Variants in EGR1 observed in about 807,000 individuals in gnomAD.
EGR1 encodes early growth response 1.
EGR1 carries 8 observed loss-of-function variants against 30.2 expected under a neutral mutation model. The ratio of observed to expected loss-of-function variants is 0.26; its 90% CI spans 0.16 to 0.48. The LOEUF is 0.48. Among genes scored for constraint, EGR1 ranks in the 20% least tolerant of loss-of-function variants. The pLI is 0.99. For missense variants in EGR1, 568 were observed against 732.3 expected (o/e 0.78, Z 2.59); for synonymous variants, 334 against 312.8 (o/e 1.07, Z -0.72).
rs1417013918 is a variant in EGR1, at chr5:138,467,235, G to A, written c.786G>A (p.Gly262=). 5.0e-6 allele frequency: 8 copies of A among 1,613,488 alleles called. No individual in the cohort carries two copies. Among genetic ancestry groups the A allele is most frequent in the Non-Finnish European group, 6.8e-6 (8 of 1,180,034 alleles). ...ACTACCTGTTTCCACAGCAGCAGGG[G>A]GATCTGGGCCTGGGCACCCCAGACC... is the stretch of plus-strand genomic sequence containing the variant. ...IPDYLFPQQQ[G]DLGLGTPDQK... Residue 262 remains glycine, a synonymous_variant, in exon 2 of 2, where the codon GGG becomes GGA. Coordinates refer to ENST00000239938, the MANE Select transcript of EGR1 (RefSeq NM_001964.3). The surrounding 1 kb of genome is among the most constrained non-coding windows in gnomAD (Gnocchi z 8.3).
At position 138,467,685 on chromosome 5, in the gene EGR1, G is replaced by A. The variant is rs1321068165; in HGVS notation, c.1236G>A (p.Lys412=). 7 of 1,614,124 alleles carry A rather than the reference G, an allele frequency of 4.3e-6. No individual in the cohort carries two copies. The highest frequency in any genetic ancestry group is 5.9e-6 in the Non-Finnish European group (7 of 1,180,060). Residue 412 remains lysine, a synonymous_variant, in exon 2 of 2, where the codon AAG becomes AAA. Transcript: ENST00000239938. This position sits in a 1 kb window ranked among gnomAD's most constrained non-coding sequence, Gnocchi z 8.3. ...GRKFARSDER[K]RHTKIHLRQK... Reference sequence around the variant, plus strand: ...AGTTTGCCAGGAGCGATGAACGCAAGAGGCATACCAAGATCCACTTGCGGC... The same window carrying A: ...AGTTTGCCAGGAGCGATGAACGCAAAAGGCATACCAAGATCCACTTGCGGC...
intron 1 of EGR1, 95 bp from the exon 2 acceptor site, chr5:138,466,662 C>G (rs1320883826): frequency 7.0e-7 from 1 of 1,424,998 alleles, no homozygotes; most frequent in African/African-American, 1.4e-5. Context: ...TCAATGGTAG[C>G]CGGCCCGGTC....
rs1220031641 is a variant in EGR1 at position 138,465,758 on chromosome 5, C to A, written c.-4C>A. The A allele has an allele frequency of 6.3e-7, 1 of 1,593,098 alleles. No individual in the cohort carries two copies. The highest frequency in any genetic ancestry group is 1.7e-5 in the Admixed American group (1 of 58,500). On this transcript the variant is annotated 5_prime_UTR_variant, in exon 1 of 2. Transcript: ENST00000239938. ...ACACCAGCTCTCCAGCCTGCTCGTC[C>A]AGGATGGCCGCGGCCAAGGCCGAGA...
chr5:138,468,044 C>G lies in EGR1; in HGVS notation c.1595C>G (p.Thr532Arg). 1 of 1,590,082 alleles carries G rather than the reference C, an allele frequency of 6.3e-7. No homozygotes were observed. Among genetic ancestry groups the G allele is most frequent in the African/African-American group, 1.4e-5 (1 of 73,994 alleles). ...FSASTGLSDM[T>R]ATFSPRTIEI... ...GCCTCCACAGGGCTTTCGGACATGA[C>G]AGCAACCTTTTCTCCCAGGACAATT... Residue 532 changes from threonine to arginine, a missense_variant, in exon 2 of 2, where the codon ACA becomes AGA. Physicochemically the swap from Thr to Arg is moderately conservative, Grantham distance 71. Transcript: ENST00000239938.
At position 138,465,659 on chromosome 5, in the gene EGR1, C is replaced by G. The variant is rs1373508820; in HGVS notation, c.-103C>G. ...ACGCTTCTCAGTGTTCCCCGCGCCC[C>G]GCATGTAACCCGGCCAGGCCCCCGC... On this transcript the variant is annotated 5_prime_UTR_variant, in exon 1 of 2. Coordinates refer to ENST00000239938, the MANE Select transcript of EGR1 (RefSeq NM_001964.3). 3 of 1,319,920 alleles carry G rather than the reference C, an allele frequency of 2.3e-6. No homozygotes were observed. Among genetic ancestry groups the G allele is most frequent in the Non-Finnish European group, 3.0e-6 (3 of 1,007,164 alleles). 81.8% of individuals were successfully genotyped at this position (1,319,920 alleles called of 1,614,324 possible).
rs890186687 is a variant in EGR1 at position 138,467,601 on chromosome 5, C to T, written c.1152C>T (p.Thr384=). 4 of 1,613,912 alleles carry T rather than the reference C, an allele frequency of 2.5e-6. No individual in the cohort carries two copies. The highest frequency in any genetic ancestry group is 3.4e-6 in the Non-Finnish European group (4 of 1,180,038). ...MRNFSRSDHL[T]THIRTHTGEK... ...ACTTCAGCCGCAGCGACCACCTCAC[C>T]ACCCACATCCGCACCCACACAGGCG... The change falls in exon 2 of 2, where the codon ACC becomes ACT. Residue 384 remains threonine (T), a synonymous_variant. Coordinates refer to ENST00000239938, the MANE Select transcript of EGR1 (RefSeq NM_001964.3). This position sits in a 1 kb window ranked among gnomAD's most constrained non-coding sequence, Gnocchi z 8.3.
Position 138,467,720 on chromosome 5 carries a change from A to G in EGR1, c.1271A>G (p.Lys424Arg), listed in dbSNP as rs779644730. ...HTKIHLRQKD[K>R]KADKSVVASS... ...AAGATCCACTTGCGGCAGAAGGACA[A>G]GAAAGCAGACAAAAGTGTTGTGGCC... is the stretch of plus-strand genomic sequence containing the variant. Residue 424 changes from lysine (K) to arginine (R), a missense_variant, in exon 2 of 2, where the codon AAG becomes AGG. Coordinates refer to ENST00000239938, the MANE Select transcript of EGR1 (RefSeq NM_001964.3). This position sits in a 1 kb window ranked among gnomAD's most constrained non-coding sequence, Gnocchi z 8.3. 1 of 1,614,216 alleles carries G rather than the reference A, an allele frequency of 6.2e-7. No homozygotes were observed. Among genetic ancestry groups the G allele is most frequent in the Non-Finnish European group, 8.5e-7 (1 of 1,180,036 alleles).
At position 138,467,898 on chromosome 5, in the gene EGR1, A is replaced by T; in HGVS notation, c.1449A>T (p.Pro483=). 1 of 1,612,864 alleles carries T rather than the reference A, an allele frequency of 6.2e-7. No homozygotes were observed. Among genetic ancestry groups the T allele is most frequent in the South Asian group, 1.1e-5 (1 of 91,002 alleles). The change falls in exon 2 of 2, where the codon CCA becomes CCT. Residue 483 remains proline (P), a synonymous_variant. Transcript: ENST00000239938. The surrounding 1 kb of genome is among the most constrained non-coding windows in gnomAD (Gnocchi z 8.3). ...SFSSPGSSTY[P]SPVHSGFPSP... ...CCTCTCCCGGCTCCTCGACCTACCC[A>T]TCCCCTGTGCACAGTGGCTTCCCCT...
chr5:138,466,513 G>A (rs541580925), intron 1 of EGR1, among the ~76,000 whole-genome samples: 44 of 152,380 alleles, frequency 2.9e-4, no homozygotes, highest in African/African-American at 1.1e-3. Context: ...CCGCACAGCC[G>A]CCGCTGCGGA....
chr5:138,468,304 G>C lies in EGR1; in HGVS notation c.*223G>C, dbSNP rs2294175. ...CTATTCCCTTTGACTTCAGCTGCCT[G>C]AAACAGCCATGTCCAAGTTCTTCAC... On this transcript the variant is annotated 3_prime_UTR_variant, in exon 2 of 2. Coordinates refer to ENST00000239938, the MANE Select transcript of EGR1 (RefSeq NM_001964.3). The C allele has an allele frequency of 1.1e-4, 104 of 969,168 alleles. 1 individual carries two copies. The East Asian group carries it at 2.2e-3, about 21-fold the overall frequency. 60.0% of individuals were successfully genotyped at this position (969,168 alleles called of 1,614,324 possible).
intron 1 of EGR1, 89 bp downstream of exon 1, chr5:138,466,157 AT>A (rs2127036776): frequency 6.9e-7 from 1 of 1,441,488 alleles, no homozygotes; most frequent in South Asian, 1.5e-5. Flanking sequence ...GGATCTTAGA[AT>A]GAGAGCCGGG....
In EGR1 at chr5:138,468,114, A is replaced by G. The variant is rs766990363; in HGVS notation, c.*33A>G. On this transcript the variant is annotated 3_prime_UTR_variant, in exon 2 of 2. Coordinates refer to ENST00000239938, the MANE Select transcript of EGR1 (RefSeq NM_001964.3). ...GGGGAAAGAAAGGGAAAAGGGAGAA[A>G]AAGAAACACAAGAGACTTAAAGGAC... The G allele has an allele frequency of 3.2e-6, 5 of 1,539,948 alleles. No homozygotes were observed. The East Asian group carries it at 6.8e-5, about 21-fold the overall frequency.
chr5:138,465,697 T>G lies in EGR1; in HGVS notation c.-65T>G. On this transcript the variant is annotated 5_prime_UTR_variant, in exon 1 of 2. Coordinates refer to ENST00000239938, the MANE Select transcript of EGR1 (RefSeq NM_001964.3). Reference sequence around the variant, plus strand: ...GCCAGGCCCCCGCAACTGTGTCCCCTGCAGCTCCAGCCCCGGGCTGCACCC... The same window carrying G: ...GCCAGGCCCCCGCAACTGTGTCCCCGGCAGCTCCAGCCCCGGGCTGCACCC... The G allele has an allele frequency of 2.1e-4, 228 of 1,104,594 alleles. No homozygotes were observed. Among genetic ancestry groups the G allele is most frequent in the Non-Finnish European group, 2.8e-4 (215 of 776,830 alleles). 68.4% of individuals were successfully genotyped at this position (1,104,594 alleles called of 1,614,324 possible). A position where few individuals can be genotyped will look rare whatever the true frequency, so the allele number is the denominator to read the frequency against.
Position 138,467,930 on chromosome 5 carries a change from C to T in EGR1, c.1481C>T (p.Ser494Leu). ...SPVHSGFPSP[S>L]VATTYSSVPP... The stretch of plus-strand genomic sequence containing the variant: ...GTGCACAGTGGCTTCCCCTCCCCGT[C>T]GGTGGCCACCACGTACTCCTCTGTT... The change falls in exon 2 of 2, where the codon TCG becomes TTG. Residue 494 changes from serine (S) to leucine (L), a missense_variant. Transcript: ENST00000239938. This position sits in a 1 kb window ranked among gnomAD's most constrained non-coding sequence, Gnocchi z 8.3. The T allele has an allele frequency of 6.2e-7, 1 of 1,613,574 alleles. No homozygotes were observed.
intron 1 of EGR1, among the ~76,000 whole-genome samples, chr5:138,466,533 G>A (rs1764160489): frequency 6.6e-6 from 1 of 152,278 alleles, no homozygotes; most frequent in African/African-American, 2.4e-5. Flanking sequence ...AGCGCTGCGA[G>A]CTGCAGTGGA....
Position 138,467,493 on chromosome 5 carries a change from C to G in EGR1, c.1044C>G (p.Arg348=). 1 of 1,612,776 alleles carries G rather than the reference C, an allele frequency of 6.2e-7. No individual in the cohort carries two copies. Among genetic ancestry groups the G allele is most frequent in the Non-Finnish European group, 8.5e-7 (1 of 1,179,988 alleles). The stretch of plus-strand genomic sequence containing the variant: ...GCCCAGTGGAGTCCTGTGATCGCCG[C>G]TTCTCCCGCTCCGACGAGCTCACCC... ...YACPVESCDR[R]FSRSDELTRH... Residue 348 remains arginine (R), a synonymous_variant, in exon 2 of 2, where the codon CGC becomes CGG. Transcript: ENST00000239938. This position sits in a 1 kb window ranked among gnomAD's most constrained non-coding sequence, Gnocchi z 8.3.
Position 138,468,186 on chromosome 5 carries a change from A to G in EGR1, c.*105A>G. On this transcript the variant is annotated 3_prime_UTR_variant, in exon 2 of 2. Transcript: ENST00000239938. ...GAGAGGAGGGTTCCTCTTAGGTCAG[A>G]TGGAGGTTCTCAGAGCCAAGTCCTC... 1 of 1,521,660 alleles carries G rather than the reference A, an allele frequency of 6.6e-7. No individual in the cohort carries two copies. Among genetic ancestry groups the G allele is most frequent in the Non-Finnish European group, 8.8e-7 (1 of 1,134,448 alleles). The allele number at this position is 1,521,660 out of a possible 1,614,324, so 94.3% of individuals were successfully genotyped here.
At chr5:138,466,104 G>A (rs377592944) in intron 1 of EGR1, 36 bp downstream of exon 1, 2 of 1,514,796 alleles carry the variant, frequency 1.3e-6, no homozygotes, top group African/African-American at 1.4e-5. Context: ...GAACCCTTTC[G>A]CCACCATCCT....
intron 1 of EGR1, 37 bp downstream of exon 1, chr5:138,466,105 C>A: frequency 6.6e-7 from 1 of 1,513,688 alleles, no homozygotes; most frequent in Non-Finnish European, 8.8e-7. Flanking sequence ...AACCCTTTCG[C>A]CACCATCCTG....
Sources: allele counts gnomAD v4.1 joint callset (sites outside exome capture counted in the v4.1 genomes callset), GRCh38; gene constraint gnomAD v4.1.1; non-coding constraint Gnocchi (gnomAD v3.1); transcripts MANE v1.5; gene names NCBI Gene and HGNC (gene_info 2026-07-23, HGNC 2026-07-21).